PLCB1: variants seen among roughly 807,000 people sequenced by gnomAD.
PLCB1 encodes phospholipase C beta 1.
A neutral mutation model predicts 161.8 loss-of-function variants in PLCB1; 46 were observed. The observed-to-expected ratio is 0.28, with a 90% CI of 0.22 to 0.36. PLCB1 has a LOEUF of 0.36. Ranked by LOEUF, PLCB1 falls within the 10% of genes least tolerant of loss-of-function variation. PLCB1 has a pLI of 1.00. For missense variants in PLCB1, 1,016 were observed against 1,472.5 expected, an observed-to-expected ratio of 0.69 and a Z score of 5.07; for synonymous variants, 517 against 503.7, an observed-to-expected ratio of 1.03 and a Z score of -0.35.
At chr20:8,881,600 C>A (rs1451240415) in intron 31 of PLCB1, 22 bp from the exon 32 acceptor site, 2 of 1,577,104 alleles carry the variant, frequency 1.3e-6, no homozygotes, top group South Asian at 1.1e-5. Flanking sequence ...TTCAAGTCAT[C>A]TCCCCTCTTG....
chr20:8,365,076 T>C (rs1986663265), intron 2 of PLCB1, among the ~76,000 whole-genome samples: 1 of 152,198 alleles, frequency 6.6e-6, no homozygotes, highest in South Asian at 2.1e-4. Context: ...TTCTATATAT[T>C]CAGTACTCGC....
chr20:8,168,083 T>G (rs1209795806), intron 2 of PLCB1, among the ~76,000 whole-genome samples: 1 of 152,166 alleles, frequency 6.6e-6, no homozygotes, highest in Non-Finnish European at 1.5e-5. Context: ...GGCAGAGTTC[T>G]GAAACAGGGT....
intron 12 of PLCB1, among the ~76,000 whole-genome samples, chr20:8,711,209 A>T (rs1978995383): frequency 6.6e-6 from 1 of 152,226 alleles, no homozygotes; most frequent in Non-Finnish European, 1.5e-5. Context: ...TAACCAACAC[A>T]TCTCCTACGC....
chr20:8,637,631 A>C (rs539671598), intron 4 of PLCB1, among the ~76,000 whole-genome samples: 1 of 152,356 alleles, frequency 6.6e-6, no homozygotes, highest in South Asian at 2.1e-4. Context: ...AAGATTTTCA[A>C]AAACTGAAAA....
chr20:8,188,663 C>G (rs1244825127), intron 2 of PLCB1, among the ~76,000 whole-genome samples: 1 of 152,084 alleles, frequency 6.6e-6, no homozygotes, highest in Non-Finnish European at 1.5e-5. Context: ...TGGGAATTGT[C>G]TATTTTCGTC....
At chr20:8,468,076 C>T (rs1361521094) in intron 3 of PLCB1, among the ~76,000 whole-genome samples, 4 of 152,156 alleles carry the variant, frequency 2.6e-5, no homozygotes, top group Non-Finnish European at 4.4e-5. Context: ...ACTACTTACT[C>T]TGTTGTTCTG....
chr20:8,178,021 A>G (rs1352594381), intron 2 of PLCB1, among the ~76,000 whole-genome samples: 1 of 152,194 alleles, frequency 6.6e-6, no homozygotes, highest in Non-Finnish European at 1.5e-5. Flanking sequence ...TGCAAAGGAC[A>G]TGATCTCACT....
At chr20:8,158,892 G>A (rs559865263) in intron 2 of PLCB1, among the ~76,000 whole-genome samples, 8 of 152,276 alleles carry the variant, frequency 5.3e-5, no homozygotes, top group East Asian at 1.9e-4. Flanking sequence ...GGGCAACTCC[G>A]CCCCTGTGGC....
At chr20:8,199,938 A>T (rs2052074399) in intron 2 of PLCB1, among the ~76,000 whole-genome samples, 1 of 152,136 alleles carries the variant, frequency 6.6e-6, no homozygotes, top group South Asian at 2.1e-4. Context: ...AGGCACAGAG[A>T]GGTTGAATAT....
intron 1 of PLCB1, among the ~76,000 whole-genome samples, chr20:8,141,699 G>A (rs578029352): frequency 2.1e-4 from 32 of 152,130 alleles, no homozygotes; most frequent in Admixed American, 9.8e-4. Context: ...GTCAGTCAGC[G>A]TGGAAACATG....
At chr20:8,530,594 G>A (rs543949942) in intron 3 of PLCB1, among the ~76,000 whole-genome samples, 1 of 152,144 alleles carries the variant, frequency 6.6e-6, no homozygotes, top group South Asian at 2.1e-4. Flanking sequence ...GATAAGATTA[G>A]CTTTATTACT....
intron 3 of PLCB1, among the ~76,000 whole-genome samples, chr20:8,425,471 A>G (rs1453843842): frequency 6.6e-6 from 1 of 152,102 alleles, no homozygotes; most frequent in East Asian, 1.9e-4. Flanking sequence ...ACATCCCTGT[A>G]TGTGCCAGTG....
At chr20:8,853,581 T>G (rs1251281694) in intron 31 of PLCB1, among the ~76,000 whole-genome samples, 1 of 152,224 alleles carries the variant, frequency 6.6e-6, no homozygotes, top group Non-Finnish European at 1.5e-5. Flanking sequence ...CATTTACCCA[T>G]TCCACTGTTG....
intron 3 of PLCB1, among the ~76,000 whole-genome samples, chr20:8,464,718 C>T (rs1221676758): frequency 4.6e-5 from 7 of 152,132 alleles, no homozygotes; most frequent in African/African-American, 1.7e-4. Context: ...GAGAAGCTCA[C>T]CACCTAGCTC....
At chr20:8,764,041 C>T (rs532111024) in intron 25 of PLCB1, among the ~76,000 whole-genome samples, 1 of 152,176 alleles carries the variant, frequency 6.6e-6, no homozygotes, top group Admixed American at 6.5e-5. Context: ...TTGGTGCATG[C>T]TTGTAATCCC....
At chr20:8,226,605 G>C (rs530542708) in intron 2 of PLCB1, among the ~76,000 whole-genome samples, 1 of 151,980 alleles carries the variant, frequency 6.6e-6, no homozygotes, top group South Asian at 2.1e-4. Context: ...CAGAATTGAC[G>C]CAATGACTTC....
At chr20:8,766,975 T>A (rs1982350273) in intron 26 of PLCB1, among the ~76,000 whole-genome samples, 1 of 152,090 alleles carries the variant, frequency 6.6e-6, no homozygotes, top group Non-Finnish European at 1.5e-5. Flanking sequence ...GAGAAGGGGA[T>A]GAATTCTTGA....
intron 26 of PLCB1, 66 bp downstream of exon 26, chr20:8,765,424 G>A: frequency 1.7e-6 from 2 of 1,198,542 alleles, no homozygotes; most frequent in Non-Finnish European, 2.4e-6. Context: ...GATTTTTAAT[G>A]TTTTATATCA....
At chr20:8,329,875 A>G (rs530387055) in intron 2 of PLCB1, among the ~76,000 whole-genome samples, 1 of 152,296 alleles carries the variant, frequency 6.6e-6, no homozygotes, top group South Asian at 2.1e-4. Flanking sequence ...TTATGATTGC[A>G]TGAACTCTCC....
Sources: allele counts gnomAD v4.1 joint callset (sites outside exome capture counted in the v4.1 genomes callset), GRCh38; gene constraint gnomAD v4.1.1; transcripts MANE v1.5; gene names NCBI Gene and HGNC (gene_info 2026-07-23, HGNC 2026-07-21).